Variants in RYR2 observed in about 807,000 individuals in gnomAD.
The protein encoded by RYR2 is cardiac muscle ryanodine receptor-calcium release channel.
A neutral mutation model predicts 601.1 loss-of-function variants in RYR2; 227 were observed. The observed-to-expected ratio is 0.38, with a 90% CI of 0.34 to 0.42. RYR2 has a LOEUF of 0.42. Among genes scored for constraint, RYR2 ranks in the 10% least tolerant of loss-of-function variants. RYR2 has a pLI of 1.00. For synonymous variants in RYR2, 2,223 were observed against 2,175.1 expected (o/e 1.02, Z -0.61); for missense variants, 4,646 against 6,156.5 (o/e 0.75, Z 8.21).
At chr1:237,689,455 G>C (rs1453477235) in intron 63 of RYR2, among the ~76,000 whole-genome samples, 1 of 152,114 alleles carries the variant, frequency 6.6e-6, no homozygotes, top group African/African-American at 2.4e-5. Context: ...CTTTTCAGCT[G>C]TTCTTGAAAT....
chr1:237,610,715 C>T lies in RYR2; in HGVS notation c.4684-47C>T, dbSNP rs1279225946. The T allele has an allele frequency of 7.5e-6, 11 of 1,466,708 alleles. No homozygotes were observed. Among genetic ancestry groups the T allele is most frequent in the East Asian group, 4.9e-5 (2 of 40,646 alleles). The allele number at this position is 1,466,708 out of a possible 1,614,324, so 90.9% of individuals were successfully genotyped here. A position where few individuals can be genotyped will look rare whatever the true frequency, so the allele number is the denominator to read the frequency against. On this transcript the variant is annotated intron_variant, in intron 35 of 104. Coordinates refer to ENST00000366574, the MANE Select transcript of RYR2 (RefSeq NM_001035.3). This position sits in a 1 kb window ranked among gnomAD's most constrained non-coding sequence, Gnocchi z 4.9. ...ATTCTAGTCATTACTTTGTGAACCC[C>T]AAGGGATGTTCTACATTTATTCTTT...
chr1:237,821,572 C>G (rs1299378818), intron 101 of RYR2, among the ~76,000 whole-genome samples: 1 of 152,010 alleles, frequency 6.6e-6, no homozygotes, highest in African/African-American at 2.4e-5. Flanking sequence ...GGGGAGAAAC[C>G]AGCACAAAAA....
intron 1 of RYR2, among the ~76,000 whole-genome samples, chr1:237,149,306 C>CAAA (rs1034278002): frequency 1.3e-5 from 2 of 151,430 alleles, no homozygotes; most frequent in African/African-American, 4.9e-5. Context: ...AAAAAACAAA[C>CAAA]AAAAACAAAA....
chr1:237,150,747 T>C (rs1228749531), intron 1 of RYR2, among the ~76,000 whole-genome samples: 1 of 152,124 alleles, frequency 6.6e-6, no homozygotes, highest in East Asian at 1.9e-4. Context: ...CTCTTGAATG[T>C]TTTAGCTGGA....
At chr1:237,795,462 T>A (rs1658988843) in intron 96 of RYR2, 131 bp downstream of exon 96, 7 of 508,998 alleles carry the variant, frequency 1.4e-5, no homozygotes, top group Admixed American at 4.4e-5. Flanking sequence ...TTTTTTTTTT[T>A]AATTTTTGAG....
At chr1:237,560,489 A>G (rs1489367698) in intron 27 of RYR2, among the ~76,000 whole-genome samples, 1 of 152,224 alleles carries the variant, frequency 6.6e-6, no homozygotes, top group African/African-American at 2.4e-5. Context: ...TGCCCACTAC[A>G]AGGGCTTATG....
rs475234 is a variant in RYR2 at position 237,660,659 on chromosome 1, C to T, written c.8299-151C>T. ...AGATCTCTGCTCACACTCTGCTTTT[C>T]AGAATTTTACTTTCCTTTTTATATT... On this transcript the variant is annotated intron_variant, in intron 55 of 104. Coordinates refer to ENST00000366574, the MANE Select transcript of RYR2 (RefSeq NM_001035.3). The T allele has an allele frequency of 1, 683,636 of 684,044 alleles. 341,616 individuals carry two copies. Among genetic ancestry groups the T allele is most frequent in the East Asian group, 1 (32,680 of 32,680 alleles). The allele number at this position is 684,044 out of a possible 1,614,324, so 42.4% of individuals were successfully genotyped here. A position where few individuals can be genotyped will look rare whatever the true frequency, so the allele number is the denominator to read the frequency against.
intron 11 of RYR2, among the ~76,000 whole-genome samples, chr1:237,418,778 A>T (rs1412895643): frequency 6.6e-6 from 1 of 152,072 alleles, no homozygotes; most frequent in Admixed American, 6.5e-5. Context: ...TGTAACTTTA[A>T]AAAGCTCTTC....
intron 84 of RYR2, 38 bp downstream of exon 84, chr1:237,761,066 C>T: frequency 8.4e-7 from 1 of 1,187,980 alleles, no homozygotes; most frequent in Non-Finnish European, 1.2e-6. Context: ...ACCTGTCTCC[C>T]TTCCCTCCCT....
chr1:237,330,672 G>T (rs957372872), intron 2 of RYR2, among the ~76,000 whole-genome samples: 2 of 152,220 alleles, frequency 1.3e-5, no homozygotes, highest in Non-Finnish European at 2.9e-5. Context: ...ACAGGCGTGA[G>T]CCACCGCACC....
At chr1:237,595,473 A>G (rs753821676) in intron 33 of RYR2, 25 bp from the exon 34 acceptor site, 17 of 1,601,522 alleles carry the variant, frequency 1.1e-5, no homozygotes, top group South Asian at 2.3e-5. Context: ...TTGTACAAAG[A>G]TAAAAATGTT....
In RYR2 at chr1:237,756,421, G is replaced by A. The variant is rs776379445; in HGVS notation, c.11245+34G>A. 3 of 1,386,636 alleles carry A rather than the reference G, an allele frequency of 2.2e-6. No individual in the cohort carries two copies. In the African/African-American group the frequency reaches 4.3e-5, roughly 20 times the overall value. The allele number at this position is 1,386,636 out of a possible 1,614,324, so 85.9% of individuals were successfully genotyped here. A position where few individuals can be genotyped will look rare whatever the true frequency, so the allele number is the denominator to read the frequency against. ...CCTTGAGTTCCCCTCACGAGTGTCT[G>A]TTCTTCAGATTTCCTCGTTGCTCTC... is the stretch of plus-strand genomic sequence containing the variant. On this transcript the variant is annotated intron_variant, in intron 81 of 104. Coordinates refer to ENST00000366574, the MANE Select transcript of RYR2 (RefSeq NM_001035.3).
intron 25 of RYR2, among the ~76,000 whole-genome samples, chr1:237,535,262 A>C (rs1377868284): frequency 6.6e-6 from 1 of 152,024 alleles, no homozygotes; most frequent in African/African-American, 2.4e-5. Context: ...TTAAAAACCT[A>C]CTAAGCAGGG....
intron 35 of RYR2, among the ~76,000 whole-genome samples, chr1:237,606,451 A>C (rs984711691): frequency 2.0e-5 from 3 of 152,354 alleles, no homozygotes; most frequent in African/African-American, 7.2e-5. Context: ...GTTCGACCTA[A>C]AACCATAAAA....
intron 1 of RYR2, among the ~76,000 whole-genome samples, chr1:237,089,945 AAG>A (rs1393441029): frequency 3.3e-5 from 5 of 152,316 alleles, no homozygotes; most frequent in African/African-American, 1.2e-4. Context: ...TTTATAAGAA[AAG>A]AGATTTAATT....
At chr1:237,048,826 C>G (rs1660904335) in intron 1 of RYR2, among the ~76,000 whole-genome samples, 1 of 152,118 alleles carries the variant, frequency 6.6e-6, no homozygotes, top group Non-Finnish European at 1.5e-5. Context: ...TGAGAGAAAT[C>G]TTGTGGCAAG....
rs1057523875 is a variant in RYR2 at position 237,793,983 on chromosome 1, C to T, written c.13899C>T (p.Leu4633=). ...ATATTAAAGGCCAGTGGGATAGACT[C>T]GTAATCAACACACAGTGAGTAAATA... ...EDDIKGQWDR[L]VINTQSFPNN... Residue 4633 remains leucine (L), a synonymous_variant, in exon 95 of 105, where the codon CTC becomes CTT. Transcript: ENST00000366574. 7 of 1,611,008 alleles carry T rather than the reference C, an allele frequency of 4.3e-6. No homozygotes were observed. The highest frequency in any genetic ancestry group is 3.3e-5 in the Admixed American group (2 of 59,972).
chr1:237,288,824 C>T (rs570634338), intron 2 of RYR2, among the ~76,000 whole-genome samples: 2 of 152,190 alleles, frequency 1.3e-5, no homozygotes, highest in African/African-American at 4.8e-5. Flanking sequence ...GAGTTCTGGC[C>T]AGGAGGCCTC....
intron 8 of RYR2, among the ~76,000 whole-genome samples, chr1:237,378,473 A>G (rs1291282680): frequency 6.6e-6 from 1 of 152,220 alleles, no homozygotes; most frequent in Non-Finnish European, 1.5e-5. Context: ...TAAGGTTGAA[A>G]GGTGACTAAA....
Sources: gnomAD v4.1 joint callset for allele counts (sites outside exome capture counted in the v4.1 genomes callset) on GRCh38, gnomAD v4.1.1 for gene constraint, Gnocchi (gnomAD v3.1) non-coding constraint, MANE v1.5 for transcripts, NCBI Gene and HGNC (gene_info 2026-07-23, HGNC 2026-07-21) for gene names.